Variants in LBP observed in about 807,000 individuals in gnomAD.
LBP encodes the protein lipopolysaccharide-binding protein.
Under a neutral mutation model 56.6 loss-of-function variants are expected in LBP, and 53 were observed. The observed-to-expected ratio is 0.94, with a 90% CI of 0.75 to 1.18. The LOEUF is 1.18. Ranked by LOEUF, LBP falls within the 50% of genes most tolerant of loss-of-function variation. LBP has a pLI of 0.00. For synonymous variants in LBP, 227 were observed against 247.5 expected, an observed-to-expected ratio of 0.92 and a Z score of 0.78; for missense variants, 601 against 598.3, an observed-to-expected ratio of 1.00 and a Z score of -0.05.
At chr20:38,369,728 G>A (rs2076894856) in intron 10 of LBP, among the ~76,000 whole-genome samples, 1 of 152,130 alleles carries the variant, frequency 6.6e-6, no homozygotes, top group African/African-American at 2.4e-5. Context: ...TAGTCCTGGG[G>A]TGGATACAGC....
intron 4 of LBP, among the ~76,000 whole-genome samples, chr20:38,354,763 A>G (rs1296576600): frequency 6.6e-6 from 1 of 152,076 alleles, no homozygotes; most frequent in Non-Finnish European, 1.5e-5. Flanking sequence ...AAGTCATTTC[A>G]TCTCTTCTAG....
chr20:38,374,726 A>C (rs2076912098), intron 14 of LBP, among the ~76,000 whole-genome samples: 1 of 151,166 alleles, frequency 6.6e-6, no homozygotes, highest in Non-Finnish European at 1.5e-5. Context: ...GAAGAGCTTT[A>C]TTATAAATAC....
At chr20:38,366,657 C>A in intron 8 of LBP, 112 bp from the exon 9 acceptor site, 1 of 1,007,064 alleles carries the variant, frequency 9.9e-7, no homozygotes, top group East Asian at 2.4e-5. Context: ...CCAGGGTAAC[C>A]CAGGCTGTGG....
intron 4 of LBP, 47 bp downstream of exon 4, chr20:38,354,486 C>G (rs940761157): frequency 2.5e-5 from 39 of 1,555,166 alleles, no homozygotes; most frequent in Non-Finnish European, 3.2e-5. Context: ...GGTTGCAGCT[C>G]CCGGCCAATC....
intron 10 of LBP, 90 bp from the exon 11 acceptor site, chr20:38,370,648 T>G: frequency 2.6e-6 from 3 of 1,172,994 alleles, no homozygotes; most frequent in Non-Finnish European, 3.8e-6. Flanking sequence ...AGCTGTTTGT[T>G]GAGAGGAGAC....
intron 5 of LBP, among the ~76,000 whole-genome samples, chr20:38,356,420 GCACACACACA>G (rs34125610): frequency 0.068 from 8,533 of 124,870 alleles, 696 homozygotes; most frequent in African/African-American, 0.21. Flanking sequence ...ACACACACGC[GCACACACACA>G]CACACACACA....
At chr20:38,363,373 G>C (rs1428825810) in intron 6 of LBP, among the ~76,000 whole-genome samples, 7 of 152,168 alleles carry the variant, frequency 4.6e-5, no homozygotes, top group African/African-American at 1.7e-4. Flanking sequence ...GTGCTTTGCT[G>C]TCCCTTGCTA....
At chr20:38,376,087 T>C (rs1348713176) in intron 14 of LBP, among the ~76,000 whole-genome samples, 1 of 152,308 alleles carries the variant, frequency 6.6e-6, no homozygotes, top group South Asian at 2.1e-4. Flanking sequence ...TTTGTGATGA[T>C]TTAGAGGGCA....
chr20:38,350,088 T>A (rs188427634), intron 2 of LBP, among the ~76,000 whole-genome samples: 2 of 152,186 alleles, frequency 1.3e-5, no homozygotes, highest in African/African-American at 4.8e-5. Flanking sequence ...AGGTGGCATT[T>A]GAGCCAAGTC....
chr20:38,376,945 A>C lies in LBP; in HGVS notation c.*276A>C, dbSNP rs568274099. 4 of 595,048 alleles carry C rather than the reference A, an allele frequency of 6.7e-6. No homozygotes were observed. The highest frequency in any genetic ancestry group is 6.1e-5 in the South Asian group (4 of 65,822). 36.9% of individuals were successfully genotyped at this position (595,048 alleles called of 1,614,324 possible). ...CAGGCACTGTATTTTTTTATTCGCC[A>C]TCTGATCCCCATGCCTAGCAGAGTG... On this transcript the variant is annotated 3_prime_UTR_variant, in exon 15 of 15. Transcript: ENST00000217407.
rs753566903 is a variant in LBP at position 38,366,791 on chromosome 20, G to A, written c.944G>A (p.Arg315Gln). Reference protein sequence around the residue: ...DDMIPPDSNIRLTTKSFRPFV... With the variant: ...DDMIPPDSNIQLTTKSFRPFV... The stretch of plus-strand genomic sequence containing the variant: ...CAGATACCGCCTGACTCTAATATCC[G>A]ACTGACCACCAAGTCCTTCCGACCC... The change falls in exon 9 of 15, where the codon CGA becomes CAA. Residue 315 changes from arginine (R) to glutamine (Q), a missense_variant. Arg to Gln is a conservative substitution (Grantham distance 43, BLOSUM62 1). Transcript: ENST00000217407. 1.9e-5 allele frequency: 31 copies of A among 1,613,904 alleles called. No individual in the cohort carries two copies. Among genetic ancestry groups the A allele is most frequent in the South Asian group, 4.4e-5 (4 of 91,078 alleles).
chr20:38,373,089 G>A lies in LBP; in HGVS notation c.1278G>A (p.Ala426=), dbSNP rs763218293. Residue 426 remains alanine (A), a synonymous_variant, in exon 13 of 15, where the codon GCG becomes GCA. Transcript: ENST00000217407. ...VGLFNAELLE[A]LLNYYILNTF... ...TCTTCCAGGCAGAGCTGTTGGAAGC[G>A]CTCCTCAACTATTACATCCTTAACA... is the stretch of plus-strand genomic sequence containing the variant. 2.0e-5 allele frequency: 33 copies of A among 1,613,754 alleles called. No homozygotes were observed. Among genetic ancestry groups the A allele is most frequent in the South Asian group, 1.5e-4 (14 of 91,082 alleles).
At chr20:38,368,806 A>G (rs939941720) in intron 9 of LBP, among the ~76,000 whole-genome samples, 189 bp from the exon 10 acceptor site, 2 of 152,184 alleles carry the variant, frequency 1.3e-5, no homozygotes, top group African/African-American at 2.4e-5. Context: ...CGTGAAATAG[A>G]TGGTGCAGAC....
chr20:38,361,564 C>A (rs573697054), intron 6 of LBP, among the ~76,000 whole-genome samples: 218 of 151,992 alleles, frequency 1.4e-3, no homozygotes, highest in African/African-American at 5.2e-3. Flanking sequence ...GCCACCACAC[C>A]CGGCTACTTT....
chr20:38,351,263 A>G (rs1338340888), intron 3 of LBP, among the ~76,000 whole-genome samples: 1 of 152,186 alleles, frequency 6.6e-6, no homozygotes. Context: ...GCAATACTTT[A>G]TCTTGGAAGC....
In LBP at chr20:38,371,328, T is replaced by C; in HGVS notation, c.1260+6T>C. On this transcript the variant is annotated splice_donor_region_variant and intron_variant, in intron 12 of 14. Transcript: ENST00000217407. ...CCAAAGTTGGACTATTCAATGTAAG[T>C]TGTTTTTATTGATGACATGATTAGA... 1.9e-6 allele frequency: 3 copies of C among 1,587,856 alleles called. No homozygotes were observed. Among genetic ancestry groups the C allele is most frequent in the Non-Finnish European group, 2.6e-6 (3 of 1,156,956 alleles).
chr20:38,364,494 A>G, intron 7 of LBP, 82 bp from the exon 8 acceptor site: 2 of 1,336,076 alleles, frequency 1.5e-6, no homozygotes, highest in South Asian at 1.2e-5. Context: ...GCGTCCCTTC[A>G]TCGGACTGTG....
chr20:38,372,684 T>C (rs2076904713), intron 12 of LBP, among the ~76,000 whole-genome samples: 2 of 152,196 alleles, frequency 1.3e-5, no homozygotes, highest in Admixed American at 1.3e-4. Flanking sequence ...CTCTGAGCTC[T>C]CTGCTTGGCA....
intron 13 of LBP, among the ~76,000 whole-genome samples, chr20:38,373,575 A>G (rs2076908092): frequency 2.0e-5 from 3 of 152,372 alleles, no homozygotes; most frequent in South Asian, 4.1e-4. Flanking sequence ...TTTGGCTGCA[A>G]CAGAGAACAG....
Sources: allele counts gnomAD v4.1 joint callset (sites outside exome capture counted in the v4.1 genomes callset), GRCh38; gene constraint gnomAD v4.1.1; transcripts MANE v1.5; gene names NCBI Gene and HGNC (gene_info 2026-07-23, HGNC 2026-07-21).